CCDC169: variants seen among roughly 807,000 people sequenced by gnomAD.
CCDC169 encodes the protein coiled-coil domain-containing protein 169.
In CCDC169, 30 loss-of-function variants were observed where a neutral mutation model predicts 36.0. The ratio of observed to expected loss-of-function variants is 0.83; its 90% CI spans 0.62 to 1.13. The LOEUF is 1.13. Ranked by LOEUF, CCDC169 falls within the 50% of genes most tolerant of loss-of-function variation. The pLI is 0.00. For synonymous variants in CCDC169, 85 were observed against 81.5 expected (o/e 1.04, Z -0.23); for missense variants, 245 against 245.9 (o/e 1.00, Z 0.03).
chr13:36,253,828 C>A lies in CCDC169; in HGVS notation c.443G>T (p.Arg148Leu). 1.3e-6 allele frequency: 2 copies of A among 1,551,138 alleles called. No homozygotes were observed. Among genetic ancestry groups the A allele is most frequent in the Non-Finnish European group, 1.7e-6 (2 of 1,146,878 alleles). The change falls in exon 6 of 8, where the codon CGT becomes CTT. Residue 148 changes from arginine (R) to leucine (L), a missense_variant. Physicochemically the swap from Arg to Leu is moderately radical, Grantham distance 102. Transcript: ENST00000239859. ...KAYQKINNER[R>L]TYLAEMSQGS... ...CTGAGACATTTCAGCTAGGTATGTACGGCGTTCATTGTTGATCTTCTGGTA... is the reference window on the plus strand; with the variant it reads ...CTGAGACATTTCAGCTAGGTATGTAAGGCGTTCATTGTTGATCTTCTGGTA...
intron 2 of CCDC169, among the ~76,000 whole-genome samples, chr13:36,293,292 C>T (rs1290284341): frequency 6.6e-6 from 1 of 152,186 alleles, no homozygotes; most frequent in East Asian, 1.9e-4. Context: ...TAAACTTTAA[C>T]CTCATCTCCT....
rs530468465 is a variant in CCDC169, at chr13:36,261,219, C to T, written c.316-7076G>A. Among the ~76,000 whole-genome samples, 162 of 152,276 alleles carry T rather than the reference C, an allele frequency of 1.1e-3. 1 individual carries two copies. Among genetic ancestry groups the T allele is most frequent in the South Asian group, 8.5e-3 (41 of 4,816 alleles). ...TGGACAATGAGCTCATGAACAGTAA[C>T]CACAGTGGCTGAGATGGCGACTTTG... On this transcript the variant is annotated intron_variant, in intron 4 of 7. Transcript: ENST00000239859.
intron 4 of CCDC169, among the ~76,000 whole-genome samples, chr13:36,277,685 G>A (rs1876997221): frequency 6.6e-6 from 1 of 152,048 alleles, no homozygotes; most frequent in South Asian, 2.1e-4. Flanking sequence ...ATATCAGCTG[G>A]GTGAGGTGGC....
chr13:36,284,334 T>A (rs1037859257), intron 2 of CCDC169, among the ~76,000 whole-genome samples: 4 of 152,206 alleles, frequency 2.6e-5, no homozygotes, highest in African/African-American at 9.7e-5. Context: ...CATTAAGTAA[T>A]TTAATCCTCA....
At position 36,250,602 on chromosome 13, in the gene CCDC169, C is replaced by G. The variant is rs200125751; in HGVS notation, c.469-1920G>C. Among the ~76,000 whole-genome samples, 7 of 152,162 alleles carry G rather than the reference C, an allele frequency of 4.6e-5. No individual in the cohort carries two copies. The East Asian group carries it at 1.2e-3, about 25-fold the overall frequency. On this transcript the variant is annotated intron_variant, in intron 6 of 7. Coordinates refer to ENST00000239859, the MANE Select transcript of CCDC169 (RefSeq NM_001144981.3). ...TTAAATGAACAATAACAGAATTGTCCAAAAAGGCAGCTGAAATACCTGGGC... is the reference window on the plus strand; with the variant it reads ...TTAAATGAACAATAACAGAATTGTCGAAAAAGGCAGCTGAAATACCTGGGC...
At chr13:36,287,235 A>G (rs986162029) in intron 2 of CCDC169, among the ~76,000 whole-genome samples, 6 of 152,188 alleles carry the variant, frequency 3.9e-5, no homozygotes, top group African/African-American at 1.4e-4. Context: ...GGACTCATTT[A>G]TGATCTAACT....
intron 4 of CCDC169, among the ~76,000 whole-genome samples, chr13:36,260,044 G>A (rs1440205571): frequency 6.6e-6 from 1 of 152,190 alleles, no homozygotes; most frequent in Non-Finnish European, 1.5e-5. Context: ...GGGAGCCCTG[G>A]GCCTAAATGC....
At chr13:36,223,947 T>C (rs1178391008), downstream of CCDC169, 1 of 152,112 alleles carries the variant, frequency 6.6e-6, no homozygotes, top group African/African-American at 2.4e-5. Flanking sequence ...AGTACTAAAA[T>C]TGATATAGGT....
At chr13:36,277,658 T>C (rs956878493) in intron 4 of CCDC169, among the ~76,000 whole-genome samples, 4 of 152,116 alleles carry the variant, frequency 2.6e-5, no homozygotes, top group African/African-American at 9.7e-5. Flanking sequence ...TTCTGCACTT[T>C]TTATTAAGAG....
chr13:36,276,328 C>A lies in CCDC169; in HGVS notation c.315+7141G>T, dbSNP rs141168988. On this transcript the variant is annotated intron_variant, in intron 4 of 7. Transcript: ENST00000239859. ...ATTTCCGTAAGTTTTGGGTTTTCAA[C>A]AAACATTTATTAAAATGTTACTAAA... Among the ~76,000 whole-genome samples the A allele has an allele frequency of 2.5e-4, 38 of 152,176 alleles. 1 individual carries two copies. In the East Asian group the frequency reaches 6.8e-3, roughly 27 times the overall value.
intron 1 of CCDC169, 111 bp downstream of exon 1, chr13:36,297,526 A>T: frequency 9.9e-7 from 1 of 1,006,770 alleles, no homozygotes; most frequent in Non-Finnish European, 1.5e-6. Context: ...CCCAGGGGTT[A>T]ATCACGGCGC....
intron 4 of CCDC169, among the ~76,000 whole-genome samples, chr13:36,256,294 C>T (rs1313861681): frequency 6.6e-6 from 1 of 152,136 alleles, no homozygotes; most frequent in Non-Finnish European, 1.5e-5. Context: ...ATACCCGACA[C>T]TAGGTAATTT....
intron 4 of CCDC169, among the ~76,000 whole-genome samples, chr13:36,266,269 G>T (rs1174824197): frequency 6.6e-6 from 1 of 152,100 alleles, no homozygotes; most frequent in African/African-American, 2.4e-5. Context: ...GAGGAGGTGG[G>T]TGCAGCTCCT....
intron 2 of CCDC169, among the ~76,000 whole-genome samples, chr13:36,291,902 G>A (rs896058896): frequency 6.6e-6 from 1 of 151,922 alleles, no homozygotes; most frequent in African/African-American, 2.4e-5. Flanking sequence ...CTAGCCAAAG[G>A]TATTTGGGCA....
intron 7 of CCDC169, among the ~76,000 whole-genome samples, chr13:36,236,576 G>A (rs903195776): frequency 6.6e-6 from 1 of 151,992 alleles, no homozygotes; most frequent in Admixed American, 6.6e-5. Flanking sequence ...TCTTATGTAT[G>A]ACACCTAACA....
downstream of CCDC169, chr13:36,227,172 G>T: frequency 2.2e-6 from 3 of 1,360,896 alleles, no homozygotes; most frequent in Non-Finnish European, 3.0e-6. Flanking sequence ...CAATCCTGGG[G>T]GTGGTGCACA....
chr13:36,232,882 TA>T (rs941931924), intron 7 of CCDC169, among the ~76,000 whole-genome samples: 5 of 151,684 alleles, frequency 3.3e-5, no homozygotes, highest in South Asian at 2.1e-4. Context: ...ACTCTGTCTC[TA>T]AAAAAAAGGA....
chr13:36,255,024 GT>G (rs1873677408), intron 4 of CCDC169, among the ~76,000 whole-genome samples: 1 of 152,088 alleles, frequency 6.6e-6, no homozygotes, highest in Non-Finnish European at 1.5e-5. Context: ...GCCTGTTGTG[GT>G]CATTTTTTTT....
intron 4 of CCDC169, among the ~76,000 whole-genome samples, chr13:36,271,799 T>C (rs543205082): frequency 2.0e-4 from 31 of 151,804 alleles, no homozygotes; most frequent in African/African-American, 7.5e-4. Context: ...AACTACACAT[T>C]AGTGGCCGGG....
Sources: allele counts gnomAD v4.1 joint callset (sites outside exome capture counted in the v4.1 genomes callset), GRCh38; gene constraint gnomAD v4.1.1; transcripts MANE v1.5; gene names NCBI Gene and HGNC (gene_info 2026-07-23, HGNC 2026-07-21).